RIMKLB: variants seen among roughly 807,000 people sequenced by gnomAD.
RIMKLB encodes beta-citrylglutamate synthase B.
In RIMKLB, 7 loss-of-function variants were observed where a neutral mutation model predicts 32.0. The ratio of observed to expected loss-of-function variants is 0.22; its 90% confidence interval spans 0.12 to 0.41. RIMKLB has a LOEUF of 0.41. Ranked by LOEUF, RIMKLB falls within the 10% of genes least tolerant of loss-of-function variation. The probability of loss-of-function intolerance (pLI) is 1.00; values close to 1 mark genes in which losing one functional copy is unlikely to be tolerated. For synonymous variants in RIMKLB, 172 were observed against 185.1 expected (o/e 0.93, Z 0.57); for missense variants, 289 against 498.7 (o/e 0.58, Z 4.00).
intron 1 of RIMKLB, among the ~76,000 whole-genome samples, chr12:8,710,279 T>TTTTG (rs1023309175): frequency 1.5e-4 from 23 of 149,916 alleles, no homozygotes; most frequent in Non-Finnish European, 2.4e-4. Context: ...TCCCCGCCAG[T>TTTTG]TTTGTTTGTT....
At chr12:8,744,563 G>C (rs1222848964) in intron 2 of RIMKLB, among the ~76,000 whole-genome samples, 1 of 151,134 alleles carries the variant, frequency 6.6e-6, no homozygotes, top group East Asian at 1.9e-4. Context: ...TAATCTTCTT[G>C]TTTTGTTTCT....
chr12:8,703,894 T>C (rs186553732), intron 1 of RIMKLB, among the ~76,000 whole-genome samples: 1 of 152,348 alleles, frequency 6.6e-6, no homozygotes, highest in Non-Finnish European at 1.5e-5. Flanking sequence ...TATGTGAATT[T>C]ATTTTCTTTA....
chr12:8,768,715 T>C (rs894979045), intron 5 of RIMKLB, among the ~76,000 whole-genome samples: 2 of 152,210 alleles, frequency 1.3e-5, no homozygotes, highest in African/African-American at 4.8e-5. Context: ...TCTGAAACCC[T>C]TCTGTAATAA....
the RIMKLB span, among the ~76,000 whole-genome samples, chr12:8,669,899 T>C: frequency 2.7e-5 from 4 of 150,874 alleles, no homozygotes; most frequent in Admixed American, 1.3e-4. Flanking sequence ...TGGTGGCGGG[T>C]GCCTGTAGTC....
Position 8,702,152 on chromosome 12 carries a change from A to G in RIMKLB, c.-57+3855A>G, listed in dbSNP as rs145240069. ...CTGTTCCATAACTTGTCAGTGTTAC[A>G]TGTCAGGTTATGCATTTCCCACTGG... On this transcript the variant is annotated intron_variant, in intron 1 of 5. Coordinates refer to ENST00000535829, the MANE Select transcript of RIMKLB (RefSeq NM_001297776.2). Among the ~76,000 whole-genome samples the G allele has an allele frequency of 8.5e-4, 130 of 152,318 alleles. 1 individual carries two copies. Among genetic ancestry groups the G allele is most frequent in the Non-Finnish European group, 1.6e-3 (108 of 68,024 alleles).
At chr12:8,742,362 TA>T (rs1179100561) in intron 2 of RIMKLB, 1 of 199,054 alleles carries the variant, frequency 5.0e-6, no homozygotes, top group African/African-American at 2.4e-5. Context: ...TGTCCCTTTC[TA>T]CGCTACCTAG....
chr12:8,760,771 C>T (rs926202025), intron 5 of RIMKLB, among the ~76,000 whole-genome samples: 5 of 152,142 alleles, frequency 3.3e-5, no homozygotes, highest in South Asian at 2.1e-4. Context: ...TCATATCCTT[C>T]GCCCACTTGT....
intron 2 of RIMKLB, among the ~76,000 whole-genome samples, chr12:8,733,054 T>C (rs1946693339): frequency 6.6e-6 from 1 of 152,162 alleles, no homozygotes; most frequent in African/African-American, 2.4e-5. Flanking sequence ...ATGTACCCAA[T>C]ATTTAGTATG....
Position 8,691,951 on chromosome 12 carries a change from C to G in RIMKLB, n.219+10133C>G, listed in dbSNP as rs546531417. 5.3e-5 allele frequency among the ~76,000 whole-genome samples: 8 copies of G among 152,160 alleles called. No homozygotes were observed. In the South Asian group the frequency reaches 1.5e-3, roughly 28 times the overall value. ...ATATTATCATTTCTCTGGTTGGATT[C>G]TATGGATGCATTATCTACAAATTCA... is the stretch of plus-strand genomic sequence containing the variant. On this transcript the variant is annotated intron_variant and non_coding_transcript_variant, in intron 1 of 1. Transcript: ENST00000538758.
intron 5 of RIMKLB, among the ~76,000 whole-genome samples, chr12:8,760,101 T>C (rs753331681): frequency 1.9e-3 from 279 of 146,398 alleles, no homozygotes; most frequent in African/African-American, 6.6e-3. Context: ...CCCCTTCCCC[T>C]ACCCCACAAC....
chr12:8,701,897 CG>C (rs200644121), intron 1 of RIMKLB, among the ~76,000 whole-genome samples: 1 of 150,814 alleles, frequency 6.6e-6, no homozygotes, highest in Non-Finnish European at 1.5e-5. Flanking sequence ...CTCAGCTACT[CG>C]GGGGGGCTGA....
chr12:8,727,578 C>T (rs1170898813), intron 2 of RIMKLB, among the ~76,000 whole-genome samples: 1 of 152,146 alleles, frequency 6.6e-6, no homozygotes, highest in African/African-American at 2.4e-5. Flanking sequence ...ATCTGAATTT[C>T]ACATTCACAG....
At position 8,776,083 on chromosome 12, in the gene RIMKLB, A is replaced by G. The variant is rs773759606; in HGVS notation, c.*2299A>G. The G allele has an allele frequency of 4.9e-5, 48 of 984,084 alleles. No homozygotes were observed. The highest frequency in any genetic ancestry group is 3.8e-4 in the South Asian group (8 of 21,254). The allele number at this position is 984,084 out of a possible 1,614,324, so 61.0% of individuals were successfully genotyped here. On this transcript the variant is annotated 3_prime_UTR_variant, in exon 6 of 6. Transcript: ENST00000535829. ...TTGCCATGTGTATTATGACACATAC[A>G]CTTTGAATAGTTACATATCACAAGT...
At chr12:8,678,488 G>A (rs139944948), upstream of RIMKLB, among the ~76,000 whole-genome samples, 11 of 151,694 alleles carry the variant, frequency 7.3e-5, no homozygotes, top group Admixed American at 2.6e-4. Context: ...GCACCACCAC[G>A]CTCTGCTAAT....
chr12:8,669,235 GGCTCTTTTTAACAACCA>G, the RIMKLB span, among the ~76,000 whole-genome samples: 1 of 152,036 alleles, frequency 6.6e-6, no homozygotes, highest in Non-Finnish European at 1.5e-5. Flanking sequence ...GGAGGAGCCA[GGCTCTTTTTAACAACCA>G]GCTCTCACAA....
At chr12:8,741,758 C>T (rs908361335) in intron 2 of RIMKLB, among the ~76,000 whole-genome samples, 6 of 151,726 alleles carry the variant, frequency 4.0e-5, no homozygotes, top group Admixed American at 6.6e-5. Context: ...TCAGCCTGGG[C>T]GACAGAGCAA....
In RIMKLB at chr12:8,698,073, G is replaced by A; in HGVS notation, c.-281G>A. 3.8e-6 allele frequency: 1 copy of A among 262,016 alleles called. No homozygotes were observed. Among genetic ancestry groups the A allele is most frequent in the Admixed American group, 5.7e-5 (1 of 17,440 alleles). The allele number at this position is 262,016 out of a possible 1,614,324, so 16.2% of individuals were successfully genotyped here. A position where few individuals can be genotyped will look rare whatever the true frequency, so the allele number is the denominator to read the frequency against. The stretch of plus-strand genomic sequence containing the variant: ...TGTGTGGGAGTGGGGTGAGGGAGAA[G>A]CTGACGGGACGCGAGGCTGTGAGAA... On this transcript the variant is annotated 5_prime_UTR_variant, in exon 1 of 6. Transcript: ENST00000535829.
At chr12:8,737,612 A>G (rs769735630) in intron 2 of RIMKLB, among the ~76,000 whole-genome samples, 3 of 152,142 alleles carry the variant, frequency 2.0e-5, no homozygotes, top group Non-Finnish European at 4.4e-5. Context: ...TCTTGCCTCA[A>G]TCAATTATGA....
chr12:8,710,091 AT>A (rs1944238073), intron 1 of RIMKLB, among the ~76,000 whole-genome samples: 1 of 151,484 alleles, frequency 6.6e-6, no homozygotes, highest in Admixed American at 6.6e-5. Context: ...GATTCAAGTG[AT>A]TCTCCTGCCT....
Sources: allele counts gnomAD v4.1 joint callset (sites outside exome capture counted in the v4.1 genomes callset), GRCh38; gene constraint gnomAD v4.1.1; transcripts MANE v1.5; gene names NCBI Gene and HGNC (gene_info 2026-07-23, HGNC 2026-07-21).